NBEA: variants seen among roughly 807,000 people sequenced by gnomAD.
The protein encoded by NBEA is lysosomal-trafficking regulator 2.
Under a neutral mutation model 343.4 loss-of-function variants are expected in NBEA, and 44 were observed. The ratio of observed to expected loss-of-function variants is 0.13; its 90% CI spans 0.10 to 0.16. NBEA has a LOEUF of 0.16. NBEA is among the 10% of genes least tolerant of loss of function. The pLI is 1.00. For missense variants in NBEA, 2,555 were observed against 3,631.3 expected (o/e 0.70, Z 7.62); for synonymous variants, 1,175 against 1,238.7 (o/e 0.95, Z 1.08).
At chr13:35,230,073 G>A (rs551073913) in intron 33 of NBEA, among the ~76,000 whole-genome samples, 18 of 152,072 alleles carry the variant, frequency 1.2e-4, no homozygotes, top group Non-Finnish European at 1.9e-4. Flanking sequence ...AGGATGATAC[G>A]TAAGAGCAAC....
chr13:35,370,657 A>G (rs2152883120), intron 38 of NBEA, among the ~76,000 whole-genome samples: 1 of 152,112 alleles, frequency 6.6e-6, no homozygotes, highest in East Asian at 1.9e-4. Context: ...GTGGTATTCT[A>G]TAGTGGTAAC....
In NBEA at chr13:35,422,161, A is replaced by C. The variant is rs1455258815; in HGVS notation, c.6180-10108A>C. ...ATCTTTTTTTTTTAATTTTATTATT[A>C]TTATACTTTCAGTTTTAGGGTACAT... On this transcript the variant is annotated intron_variant, in intron 38 of 58. Transcript: ENST00000379939. 4.8e-5 allele frequency among the ~76,000 whole-genome samples: 6 copies of C among 124,550 alleles called. No homozygotes were observed. The Admixed American group carries it at 5.0e-4, about 10-fold the overall frequency. 81.7% of individuals were successfully genotyped at this position (124,550 alleles called of 152,430 possible).
At chr13:35,111,749 TGA>T (rs954660288) in intron 13 of NBEA, among the ~76,000 whole-genome samples, 7 of 152,208 alleles carry the variant, frequency 4.6e-5, no homozygotes, top group Admixed American at 3.9e-4. Flanking sequence ...TTAAAATTAC[TGA>T]GAAAGGGGCT....
At chr13:35,208,881 A>T in intron 32 of NBEA, 27 bp downstream of exon 32, 1 of 1,449,180 alleles carries the variant, frequency 6.9e-7, no homozygotes, top group African/African-American at 1.4e-5. Context: ...TTTTTGTGAT[A>T]CTCATCTTTT....
At chr13:35,256,618 C>G (rs2032629182) in intron 34 of NBEA, among the ~76,000 whole-genome samples, 1 of 152,172 alleles carries the variant, frequency 6.6e-6, no homozygotes, top group African/African-American at 2.4e-5. Flanking sequence ...CGCCTGCAGG[C>G]TCACGCTAAG....
At chr13:35,484,458 C>T (rs890092337) in intron 41 of NBEA, among the ~76,000 whole-genome samples, 6 of 151,944 alleles carry the variant, frequency 3.9e-5, no homozygotes, top group Middle Eastern at 6.9e-3. Flanking sequence ...TTCAGTTCTT[C>T]ATTTGTTTTG....
At chr13:35,440,879 C>T (rs1173101528) in intron 39 of NBEA, among the ~76,000 whole-genome samples, 1 of 152,172 alleles carries the variant, frequency 6.6e-6, no homozygotes, top group South Asian at 2.1e-4. Context: ...CATTTCCCTG[C>T]TGTAAAGTTT....
chr13:35,445,581 A>G (rs1242529287), intron 39 of NBEA, among the ~76,000 whole-genome samples: 1 of 151,792 alleles, frequency 6.6e-6, no homozygotes, highest in African/African-American at 2.4e-5. Flanking sequence ...GAAACTGTAA[A>G]GTACATGAAA....
At chr13:35,127,696 G>A (rs1324058663) in intron 17 of NBEA, among the ~76,000 whole-genome samples, 1 of 151,900 alleles carries the variant, frequency 6.6e-6, no homozygotes, top group African/African-American at 2.4e-5. Context: ...CTCATAGTAG[G>A]GAAATACCCT....
intron 27 of NBEA, among the ~76,000 whole-genome samples, chr13:35,175,129 A>C (rs972521938): frequency 2.0e-5 from 3 of 152,144 alleles, no homozygotes; most frequent in Non-Finnish European, 4.4e-5. Context: ...CTTTGTAAAA[A>C]GAGGACAACT....
At chr13:35,155,157 A>AT (rs11436970) in intron 18 of NBEA, among the ~76,000 whole-genome samples, 6 of 150,276 alleles carry the variant, frequency 4.0e-5, no homozygotes, top group African/African-American at 1.5e-4. Flanking sequence ...AAAAAAAAAA[A>AT]GTAGTTCATA....
At chr13:35,667,278 C>T (rs1442259492) in intron 56 of NBEA, 96 bp from the exon 57 acceptor site, 7 of 994,100 alleles carry the variant, frequency 7.0e-6, no homozygotes. Context: ...TCCGTCACAT[C>T]TGAGCGCACA....
At chr13:35,061,014 G>A (rs1053351258) in intron 8 of NBEA, among the ~76,000 whole-genome samples, 18 of 151,618 alleles carry the variant, frequency 1.2e-4, no homozygotes, top group African/African-American at 3.9e-4. Flanking sequence ...CATTGTAATG[G>A]TCAGACAATA....
chr13:35,178,612 G>T (rs2071083257), intron 28 of NBEA, among the ~76,000 whole-genome samples: 1 of 151,434 alleles, frequency 6.6e-6, no homozygotes, highest in Non-Finnish European at 1.5e-5. Context: ...AAATATACCA[G>T]TATTCCACCA....
chr13:35,334,027 G>T (rs373954839), intron 36 of NBEA, among the ~76,000 whole-genome samples: 1 of 151,744 alleles, frequency 6.6e-6, no homozygotes, highest in East Asian at 1.9e-4. Flanking sequence ...TAACTCTTCC[G>T]TAGATCGATT....
intron 18 of NBEA, among the ~76,000 whole-genome samples, chr13:35,143,896 A>C (rs1424972046): frequency 2.7e-5 from 4 of 148,488 alleles, no homozygotes; most frequent in African/African-American, 1.0e-4. Flanking sequence ...CCCTTCAAAA[A>C]AAAAAACAAA....
At chr13:35,243,289 CAA>C (rs1395402266) in intron 34 of NBEA, among the ~76,000 whole-genome samples, 2 of 151,598 alleles carry the variant, frequency 1.3e-5, no homozygotes, top group African/African-American at 4.8e-5. Flanking sequence ...CACGAAAGAA[CAA>C]GAGAAAAAGC....
intron 46 of NBEA, among the ~76,000 whole-genome samples, chr13:35,586,544 A>G (rs1230842949): frequency 6.6e-6 from 1 of 152,216 alleles, no homozygotes; most frequent in African/African-American, 2.4e-5. Flanking sequence ...AAAGTTATTA[A>G]ATCAGTCTAG....
chr13:35,265,299 G>C (rs2033578255), intron 34 of NBEA, among the ~76,000 whole-genome samples: 1 of 151,828 alleles, frequency 6.6e-6, no homozygotes, highest in Admixed American at 6.6e-5. Flanking sequence ...ACTACACAAA[G>C]TGATCTATAA....
Sources: allele counts gnomAD v4.1 joint callset (sites outside exome capture counted in the v4.1 genomes callset), GRCh38; gene constraint gnomAD v4.1.1; transcripts MANE v1.5; gene names NCBI Gene and HGNC (gene_info 2026-07-23, HGNC 2026-07-21).